Variants in UBASH3B observed in about 807,000 individuals in gnomAD.
UBASH3B encodes ubiquitin-associated and SH3 domain-containing protein B.
In UBASH3B, 37 loss-of-function variants were observed where a neutral mutation model predicts 83.4. That is an observed-to-expected ratio of 0.44 (90% CI 0.34 to 0.58). The LOEUF (loss-of-function observed/expected upper bound fraction) is 0.58. UBASH3B is among the 20% of genes least tolerant of loss of function. The pLI is 0.01. For synonymous variants in UBASH3B, 304 were observed against 318.3 expected (o/e 0.96, Z 0.48); for missense variants, 657 against 827.2 (o/e 0.79, Z 2.52).
rs868282136 is a variant in UBASH3B, at chr11:122,753,184, C to T, written c.162-23035C>T. 2.0e-5 allele frequency among the ~76,000 whole-genome samples: 3 copies of T among 151,592 alleles called. No homozygotes were observed. The South Asian group carries it at 6.3e-4, about 32-fold the overall frequency. On this transcript the variant is annotated intron_variant, in intron 1 of 13. Coordinates refer to ENST00000284273, the MANE Select transcript of UBASH3B (RefSeq NM_032873.5). ...TCTGGCCAGGTGCTGTGGCTCGCGC[C>T]TGTAACCCCAGCATTTTGGGAGGCC... is the stretch of plus-strand genomic sequence containing the variant.
At chr11:122,692,319 TA>T (rs1279309758) in intron 1 of UBASH3B, among the ~76,000 whole-genome samples, 1 of 152,220 alleles carries the variant, frequency 6.6e-6, no homozygotes, top group African/African-American at 2.4e-5. Flanking sequence ...TAAACATTAG[TA>T]AAATATTTTC....
In UBASH3B at chr11:122,667,036, TC is replaced by T. The variant is rs373200615; in HGVS notation, c.161+10827del. The stretch of plus-strand genomic sequence containing the variant: ...ATGACAAATCCCCTGATAATGGCAT[TC>T]TTTTTTTTTTTTTTTTTTTTTTTTG... On this transcript the variant is annotated intron_variant, in intron 1 of 13. Transcript: ENST00000284273. 3.4e-4 allele frequency among the ~76,000 whole-genome samples: 46 copies of T among 134,628 alleles called. No individual in the cohort carries two copies. The East Asian group carries it at 7.7e-3, about 23-fold the overall frequency. The allele number at this position is 134,628 out of a possible 152,430, so 88.3% of individuals were successfully genotyped here.
At chr11:122,676,549 T>C (rs182336094) in intron 1 of UBASH3B, among the ~76,000 whole-genome samples, 131 of 151,820 alleles carry the variant, frequency 8.6e-4, no homozygotes, top group African/African-American at 3.1e-3. Flanking sequence ...CTCAAAAAAA[T>C]AATATATACA....
rs375615215 is a variant in UBASH3B at position 122,796,192 on chromosome 11, C to T, written c.1150C>T (p.Arg384Ter). The T allele has an allele frequency of 3.7e-6, 6 of 1,614,148 alleles. No individual in the cohort carries two copies. The highest frequency in any genetic ancestry group is 1.3e-5 in the African/African-American group (1 of 75,040). Residue 384 changes from arginine (R) to a stop codon, truncating the protein, a stop_gained, in exon 8 of 14, where the codon CGA becomes TGA. Coordinates refer to ENST00000284273, the MANE Select transcript of UBASH3B (RefSeq NM_032873.5). LOFTEE classifies it high-confidence loss of function. Reference sequence around the variant, plus strand: ...CAACAGCCAGCCCGGCCCCCAGAAGCGATGCCTTTTTGTGTGTCGGCATGG... The same window carrying T: ...CAACAGCCAGCCCGGCCCCCAGAAGTGATGCCTTTTTGTGTGTCGGCATGG... ...RVNSQPGPQK[R>*]CLFVCRHGER... is the part of the protein sequence containing the mutation.
At chr11:122,799,410 C>A (rs1565571135) in intron 10 of UBASH3B, among the ~76,000 whole-genome samples, 1 of 151,878 alleles carries the variant, frequency 6.6e-6, no homozygotes, top group East Asian at 1.9e-4. Flanking sequence ...TTGCTTGAAC[C>A]CGGGAGGCGG....
At chr11:122,703,586 G>C (rs1360475292) in intron 1 of UBASH3B, among the ~76,000 whole-genome samples, 1 of 152,222 alleles carries the variant, frequency 6.6e-6, no homozygotes, top group African/African-American at 2.4e-5. Context: ...ATTTCAAAAA[G>C]AAGTTTAGAT....
chr11:122,760,551 C>CG (rs1173180362), intron 1 of UBASH3B, among the ~76,000 whole-genome samples: 13 of 152,032 alleles, frequency 8.6e-5, no homozygotes, highest in Non-Finnish European at 1.5e-5. Context: ...TTAGTAGAGA[C>CG]GGGGTTTCAC....
At chr11:122,706,850 ATTGT>A (rs1381171866) in intron 1 of UBASH3B, among the ~76,000 whole-genome samples, 14 of 152,186 alleles carry the variant, frequency 9.2e-5, no homozygotes, top group Non-Finnish European at 1.9e-4. Flanking sequence ...GTAAAAGAAA[ATTGT>A]TTGTCTCTAA....
chr11:122,736,792 G>A (rs908677850), intron 1 of UBASH3B, among the ~76,000 whole-genome samples: 22 of 152,092 alleles, frequency 1.4e-4, no homozygotes, highest in South Asian at 6.2e-4. Flanking sequence ...GTTCACACCC[G>A]CAATCTCAGC....
chr11:122,720,518 TTC>T (rs1463644684), intron 1 of UBASH3B, among the ~76,000 whole-genome samples: 1 of 152,242 alleles, frequency 6.6e-6, no homozygotes, highest in Admixed American at 6.5e-5. Context: ...TGCCCCAACG[TTC>T]TCTGTGTTAC....
chr11:122,691,057 C>T (rs1447995777), intron 1 of UBASH3B, among the ~76,000 whole-genome samples: 1 of 152,136 alleles, frequency 6.6e-6, no homozygotes, highest in Non-Finnish European at 1.5e-5. Context: ...CAGGATTCTC[C>T]CCCTGGGTTA....
At chr11:122,777,429 T>A (rs893478468) in intron 3 of UBASH3B, among the ~76,000 whole-genome samples, 1 of 152,028 alleles carries the variant, frequency 6.6e-6, no homozygotes, top group African/African-American at 2.4e-5. Context: ...CACCCCAGGA[T>A]GGGGGCAGCA....
At chr11:122,722,941 A>G (rs999924422) in intron 1 of UBASH3B, among the ~76,000 whole-genome samples, 2 of 152,030 alleles carry the variant, frequency 1.3e-5, no homozygotes, top group South Asian at 2.1e-4. Flanking sequence ...TCCTGATCTC[A>G]TGATCCGCCC....
intron 1 of UBASH3B, among the ~76,000 whole-genome samples, chr11:122,693,753 A>G (rs1228376738): frequency 2.0e-5 from 3 of 152,096 alleles, no homozygotes; most frequent in Non-Finnish European, 4.4e-5. Context: ...CATGCCTGTA[A>G]TCCTAACTAC....
At chr11:122,714,348 C>T (rs1286822665) in intron 1 of UBASH3B, among the ~76,000 whole-genome samples, 1 of 152,258 alleles carries the variant, frequency 6.6e-6, no homozygotes, top group East Asian at 1.9e-4. Context: ...CCATTCAATT[C>T]TCTCTAAATC....
chr11:122,792,727 A>G (rs1407120079), intron 6 of UBASH3B, among the ~76,000 whole-genome samples: 1 of 152,248 alleles, frequency 6.6e-6, no homozygotes, highest in African/African-American at 2.4e-5. Flanking sequence ...TCCTTGGGCT[A>G]CAGTTACTTA....
chr11:122,730,478 CAG>C lies in UBASH3B; in HGVS notation c.162-45736_162-45735del, dbSNP rs1591790342. Among the ~76,000 whole-genome samples, 3 of 152,282 alleles carry C rather than the reference CAG, an allele frequency of 2.0e-5. No homozygotes were observed. The East Asian group carries it at 5.8e-4, about 29-fold the overall frequency. On this transcript the variant is annotated intron_variant, in intron 1 of 13. Coordinates refer to ENST00000284273, the MANE Select transcript of UBASH3B (RefSeq NM_032873.5). ...TTTCAGGTCAGCCTCCTCAGACACC[CAG>C]AGAGGCCTATCCTAAGCCAAACCCC...
intron 1 of UBASH3B, among the ~76,000 whole-genome samples, chr11:122,723,574 G>T (rs2135945957): frequency 6.6e-6 from 1 of 152,290 alleles, no homozygotes; most frequent in African/African-American, 2.4e-5. Context: ...GGAAAGGCAG[G>T]CCCCAGGCAA....
chr11:122,672,345 GGA>G (rs1220380714), intron 1 of UBASH3B, among the ~76,000 whole-genome samples: 1 of 150,900 alleles, frequency 6.6e-6, no homozygotes, highest in East Asian at 1.9e-4. Context: ...TTTTTGAGAT[GGA>G]GTCTCCCTGT....
Sources: gnomAD v4.1 joint callset for allele counts (sites outside exome capture counted in the v4.1 genomes callset) on GRCh38, gnomAD v4.1.1 for gene constraint, MANE v1.5 for transcripts, NCBI Gene and HGNC (gene_info 2026-07-23, HGNC 2026-07-21) for gene names.